The following RPS6KA2 variants were observed in gnomAD, a reference collection of about 807,000 sequenced individuals.
RPS6KA2 encodes ribosomal protein S6 kinase A2, also known as ribosomal protein S6 kinase alpha-2.
In RPS6KA2, 42 loss-of-function variants were observed where a neutral mutation model predicts 91.8. The ratio of observed to expected loss-of-function variants is 0.46; its 90% CI spans 0.36 to 0.59. The LOEUF (loss-of-function observed/expected upper bound fraction) is 0.59. Ranked by LOEUF, RPS6KA2 falls within the 20% of genes least tolerant of loss-of-function variation. The pLI, the probability that RPS6KA2 is intolerant of heterozygous loss-of-function variation, is 0.00. For synonymous variants in RPS6KA2, 414 were observed against 393.6 expected (o/e 1.05, Z -0.61); for missense variants, 798 against 978.5 (o/e 0.82, Z 2.46).
Position 166,517,679 on chromosome 6 carries a change from G to T in RPS6KA2, c.299-7322C>A, listed in dbSNP as rs569156097. Among the ~76,000 whole-genome samples the T allele has an allele frequency of 2.6e-5, 4 of 151,308 alleles. No homozygotes were observed. The South Asian group carries it at 8.4e-4, about 32-fold the overall frequency. On this transcript the variant is annotated intron_variant, in intron 3 of 20. Transcript: ENST00000265678. ...TTTAGTAGAGACGGGGTTTCACCTT[G>T]TTAGCCAGGATGGTCTCGATCTCCT...
intron 2 of RPS6KA2, among the ~76,000 whole-genome samples, chr6:166,830,890 T>C (rs1316671464): frequency 6.6e-6 from 1 of 152,218 alleles, no homozygotes; most frequent in Non-Finnish European, 1.5e-5. Context: ...TTGTTTCCTC[T>C]TTCCCAGCTC....
intron 11 of RPS6KA2, among the ~76,000 whole-genome samples, chr6:166,467,126 CCTCA>C (rs1231527871): frequency 4.7e-5 from 7 of 150,288 alleles, no homozygotes; most frequent in African/African-American, 1.7e-4. Context: ...TCACTCACTC[CCTCA>C]CTCATTAACT....
At chr6:166,692,401 G>A (rs758013579) in intron 2 of RPS6KA2, among the ~76,000 whole-genome samples, 8 of 152,066 alleles carry the variant, frequency 5.3e-5, no homozygotes, top group Non-Finnish European at 1.0e-4. Flanking sequence ...AGGGACCAGC[G>A]TGTGCAGAGA....
intron 15 of RPS6KA2, among the ~76,000 whole-genome samples, chr6:166,431,923 C>T (rs140104420): frequency 2.9e-4 from 44 of 152,258 alleles, no homozygotes; most frequent in Non-Finnish European, 5.9e-4. Context: ...CCACCGCACC[C>T]GGCCTGTTCG....
At chr6:166,756,052 T>C (rs1035957801) in intron 2 of RPS6KA2, among the ~76,000 whole-genome samples, 2 of 152,160 alleles carry the variant, frequency 1.3e-5, no homozygotes, top group Non-Finnish European at 2.9e-5. Context: ...TTATATTCTG[T>C]GGCCGAGGCG....
At chr6:166,467,326 T>TA (rs1351657274) in intron 11 of RPS6KA2, among the ~76,000 whole-genome samples, 1 of 152,244 alleles carries the variant, frequency 6.6e-6, no homozygotes, top group Non-Finnish European at 1.5e-5. Flanking sequence ...GATACACCTC[T>TA]AAGCCACAGA....
intron 2 of RPS6KA2, among the ~76,000 whole-genome samples, chr6:166,535,615 G>T (rs920888435): frequency 6.6e-6 from 1 of 152,236 alleles, no homozygotes; most frequent in Non-Finnish European, 1.5e-5. Context: ...GGTGGGACCA[G>T]GGCAAAGCCA....
At chr6:166,549,702 C>T (rs763027822) in intron 1 of RPS6KA2, among the ~76,000 whole-genome samples, 1 of 151,968 alleles carries the variant, frequency 6.6e-6, no homozygotes, top group East Asian at 1.9e-4. Flanking sequence ...ATATCTGTGG[C>T]GATGGGACAG....
chr6:166,668,790 TTTTTC>T (rs896848144), intron 2 of RPS6KA2, among the ~76,000 whole-genome samples: 2 of 152,090 alleles, frequency 1.3e-5, no homozygotes, highest in Non-Finnish European at 1.5e-5. Context: ...TTCCTTTCTT[TTTTTC>T]TTTTCCTTTT....
intron 19 of RPS6KA2, among the ~76,000 whole-genome samples, chr6:166,414,670 C>A (rs1347439374): frequency 2.0e-5 from 3 of 152,220 alleles, no homozygotes; most frequent in African/African-American, 7.2e-5. Flanking sequence ...CAGATGAAGA[C>A]ATTACTGCCT....
chr6:166,689,531 C>A lies in RPS6KA2; in HGVS notation c.124-150747G>T, dbSNP rs183802168. Among the ~76,000 whole-genome samples, 943 of 152,294 alleles carry A rather than the reference C, an allele frequency of 6.2e-3. 8 individuals carry two copies. The highest frequency in any genetic ancestry group is 0.031 in the Middle Eastern group (9 of 294). The stretch of plus-strand genomic sequence containing the variant: ...CATGGCCAGTTCCGATTTTTAGAAC[C>A]TCCAGGGGATCCTGGAATCTGCTTC... On this transcript the variant is annotated intron_variant, in intron 2 of 21. Transcript: ENST00000503859.
At chr6:166,553,605 C>A (rs1784086698) in intron 1 of RPS6KA2, among the ~76,000 whole-genome samples, 1 of 151,910 alleles carries the variant, frequency 6.6e-6, no homozygotes, top group Non-Finnish European at 1.5e-5. Context: ...ACTCACTGAC[C>A]CGCCCCGCCA....
chr6:166,609,925 A>T (rs1012462451), intron 1 of RPS6KA2, among the ~76,000 whole-genome samples: 2 of 152,250 alleles, frequency 1.3e-5, no homozygotes, highest in Non-Finnish European at 2.9e-5. Context: ...CCCTACACTT[A>T]TTTGAAGATT....
intron 12 of RPS6KA2, among the ~76,000 whole-genome samples, chr6:166,451,725 G>A (rs192382973): frequency 1.2e-4 from 19 of 152,326 alleles, no homozygotes; most frequent in African/African-American, 2.6e-4. Context: ...TGCTGTGCAC[G>A]TGCTCTGCTC....
At chr6:166,515,718 G>C (rs1421849060) in intron 3 of RPS6KA2, among the ~76,000 whole-genome samples, 1 of 152,186 alleles carries the variant, frequency 6.6e-6, no homozygotes, top group Non-Finnish European at 1.5e-5. Flanking sequence ...GAATGTCTCT[G>C]TGAAAGGAAA....
intron 3 of RPS6KA2, among the ~76,000 whole-genome samples, chr6:166,528,663 C>T (rs1783149445): frequency 6.6e-6 from 1 of 152,012 alleles, no homozygotes; most frequent in African/African-American, 2.4e-5. Flanking sequence ...GTTTTGCAAT[C>T]TCCCCATCTG....
chr6:166,531,646 T>C (rs756389484), intron 2 of RPS6KA2, among the ~76,000 whole-genome samples: 1 of 152,198 alleles, frequency 6.6e-6, no homozygotes, highest in African/African-American at 2.4e-5. Flanking sequence ...GGGAGATCCT[T>C]TGGTTTGAGT....
chr6:166,608,532 A>G (rs1158063212), intron 1 of RPS6KA2, among the ~76,000 whole-genome samples: 3 of 152,198 alleles, frequency 2.0e-5, no homozygotes, highest in Non-Finnish European at 4.4e-5. Flanking sequence ...TCTGAGAGGG[A>G]GACAAAATCA....
intron 14 of RPS6KA2, among the ~76,000 whole-genome samples, chr6:166,438,321 G>A (rs1251514479): frequency 6.6e-6 from 1 of 152,172 alleles, no homozygotes; most frequent in African/African-American, 2.4e-5. Flanking sequence ...GATGGGCACA[G>A]AAACACCACG....
Sources: allele counts gnomAD v4.1 joint callset (sites outside exome capture counted in the v4.1 genomes callset), GRCh38; gene constraint gnomAD v4.1.1; transcripts MANE v1.5; gene names NCBI Gene and HGNC (gene_info 2026-07-23, HGNC 2026-07-21).